Variants in AKIRIN2 observed in about 807,000 individuals in gnomAD.
AKIRIN2 encodes the protein akirin-2.
In AKIRIN2, 6 loss-of-function variants were observed where a neutral mutation model predicts 29.3. The observed-to-expected ratio is 0.20, with a 90% confidence interval of 0.11 to 0.40. AKIRIN2 has a LOEUF of 0.40. AKIRIN2 is among the 10% of genes least tolerant of loss of function. AKIRIN2 has a pLI of 1.00. For synonymous variants in AKIRIN2, 128 were observed against 117.5 expected, an observed-to-expected ratio of 1.09 and a Z score of -0.58; for missense variants, 210 against 276.1, an observed-to-expected ratio of 0.76 and a Z score of 1.70.
chr6:87,681,531 T>C (rs1175452950), intron 2 of AKIRIN2, 89 bp downstream of exon 2: 25 of 1,293,338 alleles, frequency 1.9e-5, no homozygotes, highest in Non-Finnish European at 2.5e-5. Flanking sequence ...TCAGAGGAGA[T>C]ACAGTAGCTT....
intron 2 of AKIRIN2, among the ~76,000 whole-genome samples, chr6:87,681,358 TA>T (rs1451088419): frequency 6.6e-6 from 1 of 152,186 alleles, no homozygotes; most frequent in Non-Finnish European, 1.5e-5. Context: ...TAATTTTTTT[TA>T]ATAAAGGCTA....
In AKIRIN2 at chr6:87,702,104, G is replaced by C; in HGVS notation, c.-420C>G. On this transcript the variant is annotated 5_prime_UTR_variant, in exon 1 of 5. Coordinates refer to ENST00000257787, the MANE Select transcript of AKIRIN2 (RefSeq NM_018064.4). ...ACCGTGGGGTGTGAGGCTGGAACGC[G>C]GCTCCTAATACGCCCGAGTACGGTC... 1 of 399,192 alleles carries C rather than the reference G, an allele frequency of 2.5e-6. No individual in the cohort carries two copies. Among genetic ancestry groups the C allele is most frequent in the South Asian group, 1.2e-4 (1 of 8,172 alleles). The allele number at this position is 399,192 out of a possible 1,614,324, so 24.7% of individuals were successfully genotyped here. A position where few individuals can be genotyped will look rare whatever the true frequency, so the allele number is the denominator to read the frequency against.
At chr6:87,689,267 C>A (rs111752341) in intron 1 of AKIRIN2, among the ~76,000 whole-genome samples, 19,900 of 152,082 alleles carry the variant, frequency 0.13, 1,464 homozygotes, top group African/African-American at 0.19. Context: ...TTTGGGAAGC[C>A]GAGGCGGGTG....
At chr6:87,675,955 T>A (rs1212788243) in intron 3 of AKIRIN2, 24 bp from the exon 4 acceptor site, 27 of 1,590,736 alleles carry the variant, frequency 1.7e-5, no homozygotes, top group Non-Finnish European at 2.3e-5. Flanking sequence ...TACTTGTCAA[T>A]TACATTTGTA....
Position 87,677,812 on chromosome 6 carries a change from T to G in AKIRIN2, c.529+6A>C. Reference sequence around the variant, plus strand: ...CCTCAGAAACTCTAATAAACACACCTCATACCTGCAAGTTTTGTGTTCAAT... The same window carrying G: ...CCTCAGAAACTCTAATAAACACACCGCATACCTGCAAGTTTTGTGTTCAAT... On this transcript the variant is annotated splice_donor_region_variant and intron_variant, in intron 3 of 4. Coordinates refer to ENST00000257787, the MANE Select transcript of AKIRIN2 (RefSeq NM_018064.4). The G allele has an allele frequency of 6.2e-7, 1 of 1,613,394 alleles. No individual in the cohort carries two copies. The highest frequency in any genetic ancestry group is 8.5e-7 in the Non-Finnish European group (1 of 1,179,604).
chr6:87,677,417 A>T (rs1012877474), intron 3 of AKIRIN2, among the ~76,000 whole-genome samples: 1 of 152,224 alleles, frequency 6.6e-6, no homozygotes, highest in Non-Finnish European at 1.5e-5. Flanking sequence ...AATTTTACTG[A>T]ATTTTTTGAT....
chr6:87,681,204 A>G (rs1771114554), intron 2 of AKIRIN2, among the ~76,000 whole-genome samples: 1 of 152,022 alleles, frequency 6.6e-6, no homozygotes, highest in Admixed American at 6.6e-5. Context: ...CGCCCAGCTA[A>G]TTTTTCTATT....
chr6:87,688,763 AAC>A (rs1265950498), intron 1 of AKIRIN2, among the ~76,000 whole-genome samples: 1 of 152,204 alleles, frequency 6.6e-6, no homozygotes, highest in Non-Finnish European at 1.5e-5. Flanking sequence ...CAATAAAAAA[AAC>A]ACACAATAAA....
intron 1 of AKIRIN2, among the ~76,000 whole-genome samples, chr6:87,694,579 C>T (rs975735609): frequency 6.6e-6 from 1 of 152,038 alleles, no homozygotes; most frequent in African/African-American, 2.4e-5. Flanking sequence ...AATCCAGGTA[C>T]ATCAAAAGAC....
intron 3 of AKIRIN2, among the ~76,000 whole-genome samples, chr6:87,676,230 C>T (rs992220179): frequency 2.0e-5 from 3 of 151,570 alleles, no homozygotes; most frequent in Non-Finnish European, 2.9e-5. Flanking sequence ...TCTGGGAGGC[C>T]GAGGCGGGCG....
rs907731186 is a variant in AKIRIN2, at chr6:87,678,854, C to T, written c.380-887G>A. ...TTTTCCTTTATTGAAAAAGAAAATA[C>T]GCCGGGCATGGTGGCTCACGCCTGT... is the stretch of plus-strand genomic sequence containing the variant. On this transcript the variant is annotated intron_variant, in intron 2 of 4. Transcript: ENST00000257787. Among the ~76,000 whole-genome samples, 14 of 151,822 alleles carry T rather than the reference C, an allele frequency of 9.2e-5. No homozygotes were observed. In the East Asian group the frequency reaches 2.7e-3, roughly 30 times the overall value.
At chr6:87,701,184 A>T (rs1023178375) in intron 1 of AKIRIN2, among the ~76,000 whole-genome samples, 1 of 152,016 alleles carries the variant, frequency 6.6e-6, no homozygotes, top group Non-Finnish European at 1.5e-5. Flanking sequence ...CCAAAGAAAA[A>T]GATGTCCCTG....
chr6:87,676,892 C>T (rs1358927619), intron 3 of AKIRIN2, among the ~76,000 whole-genome samples: 2 of 150,966 alleles, frequency 1.3e-5, no homozygotes, highest in South Asian at 2.1e-4. Context: ...CTGGCTAACA[C>T]GGTGAAACCC....
At chr6:87,696,257 A>T (rs959295205) in intron 1 of AKIRIN2, among the ~76,000 whole-genome samples, 2 of 152,118 alleles carry the variant, frequency 1.3e-5, no homozygotes, top group Middle Eastern at 3.2e-3. Context: ...GAAGAAATTT[A>T]TATTATTCTC....
chr6:87,694,150 G>C (rs1367421193), intron 1 of AKIRIN2, among the ~76,000 whole-genome samples: 2 of 152,062 alleles, frequency 1.3e-5, no homozygotes, highest in African/African-American at 4.8e-5. Context: ...TTTTTTTGAG[G>C]GAGTTTTACA....
chr6:87,701,920 C>G lies in AKIRIN2; in HGVS notation c.-236G>C, dbSNP rs1771475415. 6 of 412,854 alleles carry G rather than the reference C, an allele frequency of 1.5e-5. No homozygotes were observed. Among genetic ancestry groups the G allele is most frequent in the East Asian group, 1.4e-4 (4 of 28,068 alleles). The allele number at this position is 412,854 out of a possible 1,614,324, so 25.6% of individuals were successfully genotyped here. A position where few individuals can be genotyped will look rare whatever the true frequency, so the allele number is the denominator to read the frequency against. On this transcript the variant is annotated 5_prime_UTR_variant, in exon 1 of 5. Coordinates refer to ENST00000257787, the MANE Select transcript of AKIRIN2 (RefSeq NM_018064.4). Reference sequence around the variant, plus strand: ...TGAGAGCGGGAGGGGCGGTGGCGGGCAGAAGCACACGCCAGTCGCGTCAGG... The same window carrying G: ...TGAGAGCGGGAGGGGCGGTGGCGGGGAGAAGCACACGCCAGTCGCGTCAGG...
In AKIRIN2 at chr6:87,701,700, A is replaced by G; in HGVS notation, c.-16T>C. The G allele has an allele frequency of 7.0e-7, 1 of 1,435,276 alleles. No individual in the cohort carries two copies. Among genetic ancestry groups the G allele is most frequent in the Non-Finnish European group, 9.1e-7 (1 of 1,095,302 alleles). The allele number at this position is 1,435,276 out of a possible 1,614,324, so 88.9% of individuals were successfully genotyped here. On this transcript the variant is annotated 5_prime_UTR_variant, in exon 1 of 5. Transcript: ENST00000257787. ...CGCACGCCATGGCCGGGGGCAGCTG[A>G]GGCGCCGGGCTCGGGTGGGGTCGGG... is the stretch of plus-strand genomic sequence containing the variant.
At chr6:87,695,536 C>T (rs1437505908) in intron 1 of AKIRIN2, among the ~76,000 whole-genome samples, 1 of 152,194 alleles carries the variant, frequency 6.6e-6, no homozygotes, top group Non-Finnish European at 1.5e-5. Context: ...AAGAAATTCC[C>T]TGTAGTTTCA....
intron 1 of AKIRIN2, among the ~76,000 whole-genome samples, chr6:87,697,187 C>T (rs916664823): frequency 5.9e-5 from 9 of 151,904 alleles, no homozygotes; most frequent in Admixed American, 5.2e-4. Flanking sequence ...GTGGCGCACG[C>T]CTGTAATCCC....
Sources: gnomAD v4.1 joint callset for allele counts (sites outside exome capture counted in the v4.1 genomes callset) on GRCh38, gnomAD v4.1.1 for gene constraint, MANE v1.5 for transcripts, NCBI Gene and HGNC (gene_info 2026-07-23, HGNC 2026-07-21) for gene names.